The following WFDC8 variants were observed in gnomAD, a reference collection of about 807,000 sequenced individuals.
WFDC8 encodes the protein WAP four-disulfide core domain protein 8.
A neutral mutation model predicts 27.0 loss-of-function variants in WFDC8; 24 were observed. The ratio of observed to expected loss-of-function variants is 0.89; its 90% CI spans 0.64 to 1.25. WFDC8 has a LOEUF of 1.25. Ranked by LOEUF, WFDC8 falls within the 50% of genes most tolerant of loss-of-function variation. The pLI is 0.00. For missense variants in WFDC8, 287 were observed against 295.9 expected, an observed-to-expected ratio of 0.97 and a Z score of 0.22; for synonymous variants, 106 against 99.7, an observed-to-expected ratio of 1.06 and a Z score of -0.38.
At chr20:45,559,129 G>C in intron 2 of WFDC8, 137 bp from the exon 3 acceptor site, 1 of 1,086,574 alleles carries the variant, frequency 9.2e-7, no homozygotes. Flanking sequence ...CTTATATTCA[G>C]GGGCTAGTTC....
intron 4 of WFDC8, among the ~76,000 whole-genome samples, chr20:45,555,276 C>A (rs564164963): frequency 6.6e-6 from 1 of 152,174 alleles, no homozygotes; most frequent in Non-Finnish European, 1.5e-5. Flanking sequence ...CCCCACCCTA[C>A]TCTCCACCTC....
At chr20:45,552,624 C>G (rs979564390) in intron 5 of WFDC8, among the ~76,000 whole-genome samples, 2 of 152,176 alleles carry the variant, frequency 1.3e-5, no homozygotes, top group African/African-American at 4.8e-5. Flanking sequence ...ACCTTAGAAC[C>G]TTAAAGCCAC....
At chr20:45,570,834 T>G (rs1014369067) in intron 1 of WFDC8, among the ~76,000 whole-genome samples, 3 of 152,242 alleles carry the variant, frequency 2.0e-5, no homozygotes, top group African/African-American at 7.2e-5. Flanking sequence ...CGTTTGGTAT[T>G]GTAAATGCTT....
chr20:45,575,277 A>C (rs1981004490), intron 1 of WFDC8, among the ~76,000 whole-genome samples: 1 of 152,116 alleles, frequency 6.6e-6, no homozygotes, highest in Non-Finnish European at 1.5e-5. Context: ...AACCCTAAAG[A>C]CTCCACACCA....
chr20:45,561,736 T>TTG (rs1600891323), intron 2 of WFDC8, among the ~76,000 whole-genome samples: 3 of 78,570 alleles, frequency 3.8e-5, no homozygotes, highest in Admixed American at 1.5e-4. Context: ...ACAATTAAAC[T>TTG]TGCGTGTGTG....
chr20:45,552,112 G>T lies in WFDC8; in HGVS notation c.640C>A (p.Pro214Thr), dbSNP rs199555246. 500 of 1,614,116 alleles carry T rather than the reference G, an allele frequency of 3.1e-4. No individual in the cohort carries two copies. Among genetic ancestry groups the T allele is most frequent in the Non-Finnish European group, 4.1e-4 (482 of 1,179,974 alleles). The change falls in exon 6 of 6, where the codon CCC (proline) becomes ACC (threonine). Residue 214 changes from proline to threonine, a missense_variant. Physicochemically the swap from Pro to Thr is conservative, Grantham distance 38 (BLOSUM62 -1). Transcript: ENST00000289953. ...CACTCCTCATCCTGCAGGCACTTGG[G>T]TTTATCAATCTTGGTACATAGCAAG... ...KPLLCTKIDKPKCLQDEECPL... is the reference protein window; with the variant it reads ...KPLLCTKIDKTKCLQDEECPL...
At chr20:45,559,328 A>C (rs555489983) in intron 2 of WFDC8, among the ~76,000 whole-genome samples, 2 of 152,168 alleles carry the variant, frequency 1.3e-5, no homozygotes, top group Non-Finnish European at 2.9e-5. Context: ...CTTTGTCTCC[A>C]GTTGATAAAA....
intron 4 of WFDC8, among the ~76,000 whole-genome samples, chr20:45,553,714 A>G (rs559916379): frequency 6.6e-6 from 1 of 152,234 alleles, no homozygotes; most frequent in African/African-American, 2.4e-5. Context: ...TAAGGAGGAT[A>G]GAAGCAGGGA....
chr20:45,553,126 C>T lies in WFDC8; in HGVS notation c.586+10G>A. On this transcript the variant is annotated intron_variant, in intron 5 of 5. Coordinates refer to ENST00000289953, the MANE Select transcript of WFDC8 (RefSeq NM_130896.3). ...CCAATAGATTTGGGAGGTATATCCC[C>T]AATCCTTACCTGTCCAGGCCCTGGC... is the stretch of plus-strand genomic sequence containing the variant. 2 of 1,608,976 alleles carry T rather than the reference C, an allele frequency of 1.2e-6. No individual in the cohort carries two copies. Among genetic ancestry groups the T allele is most frequent in the Non-Finnish European group, 8.5e-7 (1 of 1,177,894 alleles).
Position 45,552,112 on chromosome 20 carries a change from G to A in WFDC8, c.640C>T (p.Pro214Ser). The A allele has an allele frequency of 6.2e-6, 10 of 1,614,116 alleles. No homozygotes were observed. Among genetic ancestry groups the A allele is most frequent in the Non-Finnish European group, 8.5e-6 (10 of 1,179,974 alleles). The change falls in exon 6 of 6, where the codon CCC becomes TCC. Residue 214 changes from proline to serine, a missense_variant. Pro to Ser is a moderately conservative substitution (Grantham distance 74). Coordinates refer to ENST00000289953, the MANE Select transcript of WFDC8 (RefSeq NM_130896.3). The part of the protein sequence containing the change: ...KPLLCTKIDK[P>S]KCLQDEECPL... Reference sequence around the variant, plus strand: ...CACTCCTCATCCTGCAGGCACTTGGGTTTATCAATCTTGGTACATAGCAAG... The same window carrying A: ...CACTCCTCATCCTGCAGGCACTTGGATTTATCAATCTTGGTACATAGCAAG...
At chr20:45,566,875 T>C (rs1173317611) in intron 1 of WFDC8, among the ~76,000 whole-genome samples, 2 of 152,284 alleles carry the variant, frequency 1.3e-5, no homozygotes, top group East Asian at 3.9e-4. Flanking sequence ...TAGATGCTCA[T>C]GTCGCTTTTA....
At chr20:45,564,975 CAA>C (rs1245392138) in intron 1 of WFDC8, among the ~76,000 whole-genome samples, 1 of 56,694 alleles carries the variant, frequency 1.8e-5, no homozygotes, top group East Asian at 2.6e-4. Flanking sequence ...GAAAGAAAGA[CAA>C]AGAAGGAAGG....
At chr20:45,560,843 C>T (rs928192099) in intron 2 of WFDC8, among the ~76,000 whole-genome samples, 3 of 152,164 alleles carry the variant, frequency 2.0e-5, no homozygotes, top group Admixed American at 1.3e-4. Context: ...TTGGAGTGTA[C>T]ATCAAAATCA....
At chr20:45,554,820 C>A (rs1445074788) in intron 4 of WFDC8, among the ~76,000 whole-genome samples, 5 of 152,248 alleles carry the variant, frequency 3.3e-5, no homozygotes, top group Non-Finnish European at 4.4e-5. Context: ...TCCTGACCAA[C>A]TGTGGGTCCT....
At chr20:45,555,533 A>G (rs1202293031) in intron 4 of WFDC8, among the ~76,000 whole-genome samples, 168 bp downstream of exon 4, 5 of 152,172 alleles carry the variant, frequency 3.3e-5, no homozygotes, top group African/African-American at 1.2e-4. Context: ...AGACAAGGAA[A>G]CTGAAGCTTA....
At chr20:45,563,868 A>G (rs1980552990) in intron 1 of WFDC8, among the ~76,000 whole-genome samples, 1 of 152,250 alleles carries the variant, frequency 6.6e-6, no homozygotes, top group South Asian at 2.1e-4. Flanking sequence ...GTTAGAAGAA[A>G]GCAGATCTCG....
intron 1 of WFDC8, among the ~76,000 whole-genome samples, chr20:45,577,951 G>C (rs893879887): frequency 6.7e-6 from 1 of 149,470 alleles, no homozygotes; most frequent in Non-Finnish European, 1.5e-5. Context: ...AGGTTGCAGA[G>C]AGCCGAGATC....
At chr20:45,556,560 C>T (rs1353205474) in intron 3 of WFDC8, among the ~76,000 whole-genome samples, 3 of 152,104 alleles carry the variant, frequency 2.0e-5, no homozygotes, top group Non-Finnish European at 2.9e-5. Context: ...TGTGGCTGGT[C>T]ATTGGAAGTT....
chr20:45,558,025 C>T (rs1385003978), intron 3 of WFDC8, among the ~76,000 whole-genome samples: 1 of 152,132 alleles, frequency 6.6e-6, no homozygotes, highest in South Asian at 2.1e-4. Flanking sequence ...TGCAAAATAC[C>T]AAACACCCGC....
Sources: allele counts gnomAD v4.1 joint callset (sites outside exome capture counted in the v4.1 genomes callset), GRCh38; gene constraint gnomAD v4.1.1; transcripts MANE v1.5; gene names NCBI Gene and HGNC (gene_info 2026-07-23, HGNC 2026-07-21).